The following STAG2 variants were observed in gnomAD, a reference collection of about 807,000 sequenced individuals.
STAG2 encodes cohesin subunit SA-2.
A neutral mutation model predicts 108.1 loss-of-function variants in STAG2; 14 were observed. The observed-to-expected ratio is 0.13, with a 90% CI of 0.09 to 0.20. STAG2 has a LOEUF of 0.20. Ranked by LOEUF, STAG2 falls within the 10% of genes least tolerant of loss-of-function variation. The pLI is 1.00. For synonymous variants in STAG2, 307 were observed against 302.7 expected (o/e 1.01, Z -0.15); for missense variants, 440 against 940.9 (o/e 0.47, Z 6.96).
chrX:124,084,577 C>T (rs920224953), intron 29 of STAG2, among the ~76,000 whole-genome samples: 1 of 111,309 alleles, frequency 9.0e-6, no homozygotes, highest in African/African-American at 3.3e-5. Flanking sequence ...CTTGGCCTCG[C>T]AAAGTGCTGG....
At chrX:123,986,090 ATATATATCATG>A (rs2055166860) in intron 1 of STAG2, among the ~76,000 whole-genome samples, 1 of 105,419 alleles carries the variant, frequency 9.5e-6, no homozygotes, top group Non-Finnish European at 1.9e-5. Flanking sequence ...TACATATATG[ATATATATCATG>A]TATATATGCA....
intron 29 of STAG2, among the ~76,000 whole-genome samples, chrX:124,086,030 A>T (rs1275291835): frequency 9.0e-6 from 1 of 111,117 alleles, no homozygotes; most frequent in East Asian, 2.8e-4. Flanking sequence ...AATCATAGTT[A>T]TGCTGCCTAC....
chrX:124,089,342 T>G (rs1456077645), intron 30 of STAG2, among the ~76,000 whole-genome samples: 1 of 112,814 alleles, frequency 8.9e-6, no homozygotes, highest in African/African-American at 3.2e-5. Flanking sequence ...CAAATTTGAC[T>G]TATTAATTAT....
intron 28 of STAG2, among the ~76,000 whole-genome samples, chrX:124,081,908 C>T (rs1271886631): frequency 9.0e-6 from 1 of 111,426 alleles, no homozygotes; most frequent in Admixed American, 9.5e-5. Flanking sequence ...GAGAATGGCT[C>T]GAACCTTGGA....
At chrX:124,070,098 T>C (rs1297863835) in intron 24 of STAG2, among the ~76,000 whole-genome samples, 2 of 111,767 alleles carry the variant, frequency 1.8e-5, no homozygotes, top group African/African-American at 6.5e-5. Context: ...ACAGCTTATG[T>C]GCCCAGTCTT....
intron 5 of STAG2, among the ~76,000 whole-genome samples, chrX:124,031,716 C>T (rs917378965): frequency 4.8e-5 from 5 of 103,511 alleles, no homozygotes; most frequent in African/African-American, 1.8e-4. Flanking sequence ...CCATGCCCAG[C>T]CCATTATTTA....
chrX:124,026,127 CAAATAATAA>C (rs1465191806), intron 4 of STAG2, among the ~76,000 whole-genome samples: 4 of 37,539 alleles, frequency 1.1e-4, no homozygotes, highest in Admixed American at 3.7e-4. Flanking sequence ...TGTAAAGTTG[CAAATAATAA>C]TAATAATAAT....
At chrX:124,057,583 TATATA>T (rs1175378800) in intron 14 of STAG2, among the ~76,000 whole-genome samples, 1 of 112,377 alleles carries the variant, frequency 8.9e-6, no homozygotes, top group African/African-American at 3.2e-5. Flanking sequence ...AGGCAACAGT[TATATA>T]AAATACAGTA....
At chrX:124,022,820 A>G in intron 3 of STAG2, 149 bp downstream of exon 3, 2 of 353,362 alleles carry the variant, frequency 5.7e-6, no homozygotes, top group East Asian at 4.8e-5. Flanking sequence ...ATCAGCACTC[A>G]TCAAGGCTCT....
In STAG2 at chrX:124,101,737, T is replaced by A. The variant is rs187706335; in HGVS notation, c.*1140T>A. On this transcript the variant is annotated 3_prime_UTR_variant, in exon 35 of 35. Transcript: ENST00000371145. ...TTCTAACAGGTTACAGTACATTTCCTCTGTATGTAAATTAGATGGGATAAT... is the reference window on the plus strand; with the variant it reads ...TTCTAACAGGTTACAGTACATTTCCACTGTATGTAAATTAGATGGGATAAT... 66 of 161,892 alleles carry A rather than the reference T, an allele frequency of 4.1e-4. No homozygotes were observed. In the East Asian group the frequency reaches 5.9e-3, roughly 14 times the overall value. 13.3% of individuals were successfully genotyped at this position (161,892 alleles called of 1,213,427 possible). A position where few individuals can be genotyped will look rare whatever the true frequency, so the allele number is the denominator to read the frequency against.
At chrX:124,096,772 C>G (rs757690601) in intron 34 of STAG2, among the ~76,000 whole-genome samples, 10 of 112,237 alleles carry the variant, frequency 8.9e-5, no homozygotes, top group Non-Finnish European at 1.7e-4. Context: ...AAAGGCCTGC[C>G]TTCTATGTAC....
intron 24 of STAG2, among the ~76,000 whole-genome samples, chrX:124,069,140 G>A (rs991742545): frequency 6.3e-5 from 7 of 111,694 alleles, no homozygotes; most frequent in South Asian, 3.7e-4. Flanking sequence ...TTCCCAACGC[G>A]TATGCCTTCA....
intron 30 of STAG2, among the ~76,000 whole-genome samples, chrX:124,089,255 A>G (rs1261521883): frequency 8.9e-6 from 1 of 111,857 alleles, no homozygotes; most frequent in East Asian, 2.8e-4. Context: ...TAAATTCACA[A>G]TCAAAAAGTG....
chrX:124,060,491 A>G (rs2058347021), intron 15 of STAG2, among the ~76,000 whole-genome samples: 2 of 112,521 alleles, frequency 1.8e-5, no homozygotes, highest in Non-Finnish European at 3.8e-5. Context: ...GAATTGACAA[A>G]CATGCATTTT....
At chrX:123,994,343 C>T (rs1404593004) in intron 1 of STAG2, among the ~76,000 whole-genome samples, 1 of 111,595 alleles carries the variant, frequency 9.0e-6, no homozygotes, top group African/African-American at 3.3e-5. Context: ...GCCACCATGA[C>T]CCAAACACCT....
chrX:124,071,456 C>A, intron 25 of STAG2, 133 bp downstream of exon 25: 1 of 481,536 alleles, frequency 2.1e-6, no homozygotes, highest in Non-Finnish European at 3.1e-6. Context: ...TATTCCAGCA[C>A]AATTTATGTT....
At chrX:124,023,135 C>G (rs1393212169) in intron 3 of STAG2, among the ~76,000 whole-genome samples, 1 of 111,770 alleles carries the variant, frequency 8.9e-6, no homozygotes, top group Non-Finnish European at 1.9e-5. Flanking sequence ...TCCTCTTTAC[C>G]CCCATCTGAA....
intron 30 of STAG2, among the ~76,000 whole-genome samples, chrX:124,087,245 C>T (rs1433155556): frequency 2.7e-4 from 30 of 111,995 alleles, no homozygotes; most frequent in Non-Finnish European, 2.3e-4. Context: ...AAATAGAGTG[C>T]TATCGTATTA....
At chrX:124,000,145 T>C (rs2055959162) in intron 1 of STAG2, among the ~76,000 whole-genome samples, 1 of 110,207 alleles carries the variant, frequency 9.1e-6, no homozygotes, top group African/African-American at 3.3e-5. Context: ...CCTATAATAT[T>C]GTAATGGAGC....
Sources: gnomAD v4.1 joint callset for allele counts (sites outside exome capture counted in the v4.1 genomes callset) on GRCh38, gnomAD v4.1.1 for gene constraint, MANE v1.5 for transcripts, NCBI Gene and HGNC (gene_info 2026-07-23, HGNC 2026-07-21) for gene names.